Variants in PDE1C observed in about 807,000 individuals in gnomAD.
PDE1C encodes the protein phosphodiesterase 1C, also known as dual specificity calcium/calmodulin-dependent 3',5'-cyclic nucleotide phosphodiesterase 1C.
Under a neutral mutation model 93.1 loss-of-function variants are expected in PDE1C, and 62 were observed. The observed-to-expected ratio is 0.67, with a 90% confidence interval of 0.54 to 0.82. The LOEUF is 0.82. PDE1C is among the 40% of genes least tolerant of loss of function. The probability of loss-of-function intolerance (pLI) is 0.00; values close to 1 mark genes in which losing one functional copy is unlikely to be tolerated. For synonymous variants in PDE1C, 325 were observed against 310.1 expected, an observed-to-expected ratio of 1.05 and a Z score of -0.50; for missense variants, 742 against 884.6, an observed-to-expected ratio of 0.84 and a Z score of 2.04.
At chr7:31,958,754 G>C (rs1808498023) in intron 2 of PDE1C, among the ~76,000 whole-genome samples, 1 of 151,926 alleles carries the variant, frequency 6.6e-6, no homozygotes, top group Admixed American at 6.6e-5. Context: ...GACTTTCCAA[G>C]GAATTTTGGA....
chr7:32,211,474 C>G (rs1806021568), intron 1 of PDE1C, among the ~76,000 whole-genome samples: 1 of 151,892 alleles, frequency 6.6e-6, no homozygotes, highest in African/African-American at 2.4e-5. Context: ...AACTGCATAT[C>G]CTCACATCAG....
chr7:32,373,698 T>C (rs1585130610), intron 1 of PDE1C, among the ~76,000 whole-genome samples: 1 of 152,162 alleles, frequency 6.6e-6, no homozygotes, highest in East Asian at 1.9e-4. Flanking sequence ...CATAGAAAAG[T>C]GAGACCTGTC....
intron 2 of PDE1C, among the ~76,000 whole-genome samples, chr7:32,186,683 G>A (rs1293493813): frequency 6.6e-6 from 1 of 151,808 alleles, no homozygotes; most frequent in Non-Finnish European, 1.5e-5. Flanking sequence ...CATATTATAT[G>A]ACTATAATAT....
At chr7:32,421,725 TCCC>T (rs1785436156) in intron 1 of PDE1C, among the ~76,000 whole-genome samples, 1 of 152,118 alleles carries the variant, frequency 6.6e-6, no homozygotes, top group Non-Finnish European at 1.5e-5. Flanking sequence ...TAAATTCCCT[TCCC>T]TTATTAAAAG....
At chr7:32,082,813 T>C (rs1796789062) in intron 3 of PDE1C, among the ~76,000 whole-genome samples, 1 of 152,040 alleles carries the variant, frequency 6.6e-6, no homozygotes, top group African/African-American at 2.4e-5. Flanking sequence ...GAAGGAAAAC[T>C]AACAAACAGA....
intron 2 of PDE1C, among the ~76,000 whole-genome samples, chr7:31,921,897 G>C (rs1802672246): frequency 6.6e-6 from 1 of 152,086 alleles, no homozygotes; most frequent in South Asian, 2.1e-4. Flanking sequence ...CACTACATAA[G>C]TATTTTATAC....
At chr7:32,269,283 G>A (rs1317512267) in intron 1 of PDE1C, among the ~76,000 whole-genome samples, 4 of 152,122 alleles carry the variant, frequency 2.6e-5, no homozygotes, top group Non-Finnish European at 5.9e-5. Context: ...TTTCTAACAA[G>A]CTTCTAGGTG....
intron 16 of PDE1C, chr7:31,784,939 T>C (rs1783766757): frequency 6.6e-6 from 1 of 152,186 alleles, no homozygotes; most frequent in African/African-American, 2.4e-5. Context: ...ATCACACATA[T>C]ACCCACTCAA....
At chr7:31,673,554 T>C in the PDE1C span, among the ~76,000 whole-genome samples, 2 of 152,300 alleles carry the variant, frequency 1.3e-5, no homozygotes, top group South Asian at 2.1e-4. Flanking sequence ...TAAAATTTTA[T>C]AGAAACTATC....
At position 32,267,582 on chromosome 7, in the gene PDE1C, A is replaced by ACTCT. The variant is rs1562634837; in HGVS notation, c.85+31068_85+31069insAGAG. ...CTCTTTCTCTCTCTCTCACACACAC[A>ACTCT]CACACTCTCTCTCTCTCTCTCTCTC... On this transcript the variant is annotated intron_variant, in intron 1 of 18. Coordinates refer to the PDE1C transcript ENST00000396193. Among the ~76,000 whole-genome samples the ACTCT allele has an allele frequency of 2.2e-3, 158 of 70,486 alleles. 3 individuals carry two copies. In the East Asian group the frequency reaches 0.034, roughly 15 times the overall value. The allele number at this position is 70,486 out of a possible 152,430, so 46.2% of individuals were successfully genotyped here. A position where few individuals can be genotyped will look rare whatever the true frequency, so the allele number is the denominator to read the frequency against.
rs1055133208 is a variant in PDE1C at position 32,419,438 on chromosome 7, G to C, written c.310+8384C>G. On this transcript the variant is annotated intron_variant, in intron 1 of 1. Coordinates refer to the PDE1C transcript ENST00000672256. ...CCCTACCCGGAGAGTCTCCTTTGGAGGTTAACTTCAGCTCCCTCAGGAGAG... is the reference window on the plus strand; with the variant it reads ...CCCTACCCGGAGAGTCTCCTTTGGACGTTAACTTCAGCTCCCTCAGGAGAG... Among the ~76,000 whole-genome samples, 23 of 152,200 alleles carry C rather than the reference G, an allele frequency of 1.5e-4. 1 individual carries two copies. Among genetic ancestry groups the C allele is most frequent in the Admixed American group, 1.1e-3 (17 of 15,266 alleles).
chr7:32,244,089 G>A (rs1490502856), intron 1 of PDE1C, among the ~76,000 whole-genome samples: 1 of 152,140 alleles, frequency 6.6e-6, no homozygotes, highest in Admixed American at 6.5e-5. Flanking sequence ...AGGAGGAAGA[G>A]GTCTAAAAGC....
intron 1 of PDE1C, among the ~76,000 whole-genome samples, chr7:32,064,348 A>T (rs1264040615): frequency 6.6e-6 from 1 of 152,210 alleles, no homozygotes; most frequent in African/African-American, 2.4e-5. Flanking sequence ...ATAGTCCCTA[A>T]CGAGGCAAAT....
At chr7:31,894,554 C>T (rs936893737) in intron 2 of PDE1C, among the ~76,000 whole-genome samples, 1 of 152,238 alleles carries the variant, frequency 6.6e-6, no homozygotes, top group African/African-American at 2.4e-5. Flanking sequence ...GGGCTATTTG[C>T]TATTACTTGC....
At chr7:31,953,952 G>A (rs950816316) in intron 2 of PDE1C, among the ~76,000 whole-genome samples, 8 of 152,128 alleles carry the variant, frequency 5.3e-5, no homozygotes, top group African/African-American at 1.7e-4. Context: ...TGGAAACTTT[G>A]CCATTTGAAA....
intron 2 of PDE1C, among the ~76,000 whole-genome samples, chr7:32,200,017 T>C (rs905433902): frequency 1.3e-5 from 2 of 152,152 alleles, no homozygotes; most frequent in African/African-American, 4.8e-5. Flanking sequence ...TAGGCCTAGG[T>C]CCCATCCCCA....
At chr7:32,221,482 GTGGTCT>G (rs926254021) in intron 1 of PDE1C, among the ~76,000 whole-genome samples, 2 of 152,164 alleles carry the variant, frequency 1.3e-5, no homozygotes, top group Non-Finnish European at 2.9e-5. Flanking sequence ...TGACAAGCCC[GTGGTCT>G]TGTTAAACTG....
At chr7:32,307,075 AG>A (rs1562665605) in intron 1 of PDE1C, among the ~76,000 whole-genome samples, 1 of 152,242 alleles carries the variant, frequency 6.6e-6, no homozygotes, top group East Asian at 1.9e-4. Flanking sequence ...CCCAGGATCA[AG>A]AAAAACAGCA....
At chr7:31,841,253 G>A (rs1453501106) in intron 9 of PDE1C, among the ~76,000 whole-genome samples, 1 of 142,916 alleles carries the variant, frequency 7.0e-6, no homozygotes, top group Non-Finnish European at 1.5e-5. Context: ...ATGTATATGT[G>A]CATATATGCA....
Sources: gnomAD v4.1 joint callset for allele counts (sites outside exome capture counted in the v4.1 genomes callset) on GRCh38, gnomAD v4.1.1 for gene constraint, MANE v1.5 for transcripts, NCBI Gene and HGNC (gene_info 2026-07-23, HGNC 2026-07-21) for gene names.